The following SIPA1L1 variants were observed in gnomAD, a reference collection of about 807,000 sequenced individuals.
SIPA1L1 encodes the protein signal induced proliferation associated 1 like 1.
Under a neutral mutation model 162.7 loss-of-function variants are expected in SIPA1L1, and 26 were observed. The ratio of observed to expected loss-of-function variants is 0.16; its 90% CI spans 0.12 to 0.22. The LOEUF (loss-of-function observed/expected upper bound fraction) is 0.22. Ranked by LOEUF, SIPA1L1 falls within the 10% of genes least tolerant of loss-of-function variation. The probability of loss-of-function intolerance (pLI) is 1.00; values close to 1 mark genes in which losing one functional copy is unlikely to be tolerated. For missense variants in SIPA1L1, 1,874 were observed against 2,241.0 expected (o/e 0.84, Z 3.31); for synonymous variants, 829 against 837.4 (o/e 0.99, Z 0.17).
At chr14:71,353,064 AAG>A (rs1262856573) in intron 2 of SIPA1L1, among the ~76,000 whole-genome samples, 2 of 152,272 alleles carry the variant, frequency 1.3e-5, no homozygotes, top group African/African-American at 2.4e-5. Flanking sequence ...GTACACTAAA[AAG>A]AGTGAATTTC....
At chr14:71,689,949 G>A (rs1013706044) in intron 13 of SIPA1L1, among the ~76,000 whole-genome samples, 3 of 152,196 alleles carry the variant, frequency 2.0e-5, no homozygotes, top group Admixed American at 2.0e-4. Context: ...TGACCATTCA[G>A]TCTTGATTTT....
At chr14:71,403,897 C>G (rs2041857180) in intron 2 of SIPA1L1, among the ~76,000 whole-genome samples, 1 of 152,062 alleles carries the variant, frequency 6.6e-6, no homozygotes, top group African/African-American at 2.4e-5. Flanking sequence ...CTGTAGGCCA[C>G]CTGGTGCCTT....
chr14:71,438,243 A>T (rs1595462772), intron 2 of SIPA1L1, among the ~76,000 whole-genome samples: 2 of 152,280 alleles, frequency 1.3e-5, no homozygotes, highest in East Asian at 3.9e-4. Flanking sequence ...TTCTTTAATC[A>T]TCACCCACAT....
intron 4 of SIPA1L1, among the ~76,000 whole-genome samples, chr14:71,556,539 G>C (rs1042574346): frequency 6.6e-6 from 1 of 152,116 alleles, no homozygotes; most frequent in Admixed American, 6.5e-5. Flanking sequence ...CCCCATGTTT[G>C]GGTTTAATTA....
intron 2 of SIPA1L1, among the ~76,000 whole-genome samples, chr14:71,420,660 T>A (rs1403677653): frequency 6.6e-6 from 1 of 152,162 alleles, no homozygotes; most frequent in African/African-American, 2.4e-5. Context: ...TGAGCCCCCA[T>A]ATACTTATCA....
intron 7 of SIPA1L1, among the ~76,000 whole-genome samples, chr14:71,642,274 G>C (rs1006616013): frequency 1.3e-5 from 2 of 152,148 alleles, no homozygotes; most frequent in Non-Finnish European, 2.9e-5. Flanking sequence ...TACAGGCAGG[G>C]GGTACCCAGT....
chr14:71,568,654 A>G (rs184712373), intron 4 of SIPA1L1, among the ~76,000 whole-genome samples: 73 of 152,338 alleles, frequency 4.8e-4, no homozygotes, highest in Middle Eastern at 3.4e-3. Flanking sequence ...AAGCAAGTAA[A>G]GGAATGAAAG....
At chr14:71,544,095 ACG>A (rs953872517) in intron 4 of SIPA1L1, among the ~76,000 whole-genome samples, 2 of 148,436 alleles carry the variant, frequency 1.3e-5, no homozygotes, top group African/African-American at 5.0e-5. Context: ...GTATATACAC[ACG>A]CACATGTATG....
intron 6 of SIPA1L1, 146 bp downstream of exon 6, chr14:71,619,033 A>G: frequency 2.5e-6 from 2 of 799,216 alleles, no homozygotes; most frequent in South Asian, 3.9e-5. Context: ...ATTCTGGTGG[A>G]GATCGAGGTG....
intron 12 of SIPA1L1, 126 bp downstream of exon 12, chr14:71,672,748 A>G: frequency 9.5e-7 from 1 of 1,055,166 alleles, no homozygotes; most frequent in Middle Eastern, 3.1e-4. Context: ...GTGATGCTGA[A>G]TGTTTCATCC....
intron 15 of SIPA1L1, among the ~76,000 whole-genome samples, chr14:71,703,464 T>TG (rs1268081532): frequency 6.6e-6 from 1 of 152,118 alleles, no homozygotes; most frequent in Non-Finnish European, 1.5e-5. Flanking sequence ...GGAAGAGAAA[T>TG]GGAGTTCCTA....
At chr14:71,685,941 CTT>C (rs1322341419) in intron 13 of SIPA1L1, among the ~76,000 whole-genome samples, 1 of 152,152 alleles carries the variant, frequency 6.6e-6, no homozygotes, top group Non-Finnish European at 1.5e-5. Flanking sequence ...TTAGCAGACT[CTT>C]TGAGGTGACA....
chr14:71,490,432 A>T (rs2049148144), intron 2 of SIPA1L1, among the ~76,000 whole-genome samples: 1 of 152,184 alleles, frequency 6.6e-6, no homozygotes. Context: ...TTTCAGCAAC[A>T]CAAAATTATA....
In SIPA1L1 at chr14:71,735,320, C is replaced by T; in HGVS notation, c.5052C>T (p.Arg1684=). Residue 1684 remains arginine, a synonymous_variant, in exon 22 of 24, where the codon CGC becomes CGT. Transcript: ENST00000381232. ...TTGCTGCTAGTGATGAAAACCATCG[C>T]CCCTTGAGTGCTGCATCCAACAGTG... ...SFFAASDENH[R]PLSAASNSDQ... is the part of the protein sequence containing the mutation. 1.2e-6 allele frequency: 2 copies of T among 1,614,142 alleles called. No individual in the cohort carries two copies. The highest frequency in any genetic ancestry group is 1.1e-5 in the South Asian group (1 of 91,084).
intron 7 of SIPA1L1, among the ~76,000 whole-genome samples, chr14:71,642,977 A>C (rs543258531): frequency 2.1e-4 from 32 of 152,110 alleles, no homozygotes; most frequent in East Asian, 5.8e-4. Flanking sequence ...AAAAAAAAAA[A>C]AACAAAAAAC....
At chr14:71,510,492 C>A (rs1426178492) in intron 2 of SIPA1L1, among the ~76,000 whole-genome samples, 1 of 151,948 alleles carries the variant, frequency 6.6e-6, no homozygotes, top group East Asian at 1.9e-4. Context: ...CTGGCCTAAT[C>A]CCCTTTCTTT....
intron 4 of SIPA1L1, among the ~76,000 whole-genome samples, chr14:71,568,287 T>G (rs1453332258): frequency 6.6e-6 from 1 of 152,168 alleles, no homozygotes; most frequent in African/African-American, 2.4e-5. Context: ...TCCTAAGGGT[T>G]GTAGAGGGAC....
chr14:71,596,295 C>G (rs1334750352), intron 5 of SIPA1L1, among the ~76,000 whole-genome samples: 2 of 152,102 alleles, frequency 1.3e-5, no homozygotes, highest in Non-Finnish European at 2.9e-5. Context: ...ATAGCCAGGT[C>G]CTGTTACCCC....
chr14:71,526,472 C>G (rs898330952), intron 3 of SIPA1L1, among the ~76,000 whole-genome samples: 3 of 152,140 alleles, frequency 2.0e-5, no homozygotes, highest in Non-Finnish European at 2.9e-5. Flanking sequence ...GCATCTTTGT[C>G]TCAACATTAT....
Sources: allele counts gnomAD v4.1 joint callset (sites outside exome capture counted in the v4.1 genomes callset), GRCh38; gene constraint gnomAD v4.1.1; transcripts MANE v1.5; gene names NCBI Gene and HGNC (gene_info 2026-07-23, HGNC 2026-07-21).